RIMBP2: variants seen among roughly 807,000 people sequenced by gnomAD.
RIMBP2 encodes RIMS-binding protein 2.
In RIMBP2, 48 loss-of-function variants were observed where a neutral mutation model predicts 118.6. That is an observed-to-expected ratio of 0.40 (90% CI 0.32 to 0.51). The LOEUF (loss-of-function observed/expected upper bound fraction) is 0.51, where lower values mean the gene tolerates loss of function less well. Ranked by LOEUF, RIMBP2 falls within the 20% of genes least tolerant of loss-of-function variation. The probability of loss-of-function intolerance (pLI) is 0.41; values close to 1 mark genes in which losing one functional copy is unlikely to be tolerated. For synonymous variants in RIMBP2, 762 were observed against 742.9 expected, an observed-to-expected ratio of 1.03 and a Z score of -0.42; for missense variants, 1,551 against 1,768.3, an observed-to-expected ratio of 0.88 and a Z score of 2.20.
At chr12:130,674,399 C>G (rs1331486177) in intron 1 of RIMBP2, among the ~76,000 whole-genome samples, 1 of 152,134 alleles carries the variant, frequency 6.6e-6, no homozygotes, top group Non-Finnish European at 1.5e-5. Flanking sequence ...AATGGACTCA[C>G]ACAGAACCAG....
At chr12:130,493,147 A>C (rs1003185195) in intron 4 of RIMBP2, among the ~76,000 whole-genome samples, 4 of 151,634 alleles carry the variant, frequency 2.6e-5, no homozygotes, top group African/African-American at 4.8e-5. Flanking sequence ...AAAAACCAAA[A>C]CAAAACAAAA....
In RIMBP2 at chr12:130,621,277, C is replaced by T. The variant is rs543252044; in HGVS notation, c.-217+7045G>A. ...AAAAGCAGGGGGCACGTGCCATGGT[C>T]GTACACAGCCCTGCTGGCTTTTTGG... On this transcript the variant is annotated intron_variant, in intron 2 of 22. Transcript: ENST00000690449. This position sits in a 1 kb window ranked among gnomAD's most constrained non-coding sequence, Gnocchi z 6.6. Among the ~76,000 whole-genome samples the T allele has an allele frequency of 2.5e-4, 38 of 152,234 alleles. No homozygotes were observed. Among genetic ancestry groups the T allele is most frequent in the South Asian group, 6.2e-4 (3 of 4,814 alleles).
intron 1 of RIMBP2, among the ~76,000 whole-genome samples, chr12:130,644,818 G>A (rs527253489): frequency 1.1e-4 from 16 of 152,334 alleles, no homozygotes; most frequent in Admixed American, 5.2e-4. Context: ...GAGTCACTGG[G>A]CAAAGCACCC....
chr12:130,635,715 G>A (rs556195695), intron 1 of RIMBP2, among the ~76,000 whole-genome samples: 1 of 152,286 alleles, frequency 6.6e-6, no homozygotes, highest in African/African-American at 2.4e-5. Flanking sequence ...ACCTGCTACT[G>A]TTTCCATGCA....
Position 130,556,236 on chromosome 12 carries a change from C to T in RIMBP2, c.-216-38319G>A, listed in dbSNP as rs190839170. ...TCTGTCTGCCCGGATCTTCATTAGC[C>T]GGCTGCAGGATAAGAAGCACTGTGG... On this transcript the variant is annotated intron_variant, in intron 2 of 22. Transcript: ENST00000690449. 1.7e-3 allele frequency among the ~76,000 whole-genome samples: 258 copies of T among 152,300 alleles called. 1 individual carries two copies. The Middle Eastern group carries it at 0.02, about 12-fold the overall frequency.
At position 130,424,284 on chromosome 12, in the gene RIMBP2, G is replaced by A. The variant is rs1036187567; in HGVS notation, c.2987C>T (p.Pro996Leu). Residue 996 changes from proline to leucine, a missense_variant, in exon 16 of 23, where the codon CCG (proline) becomes CTG (leucine). This residue lies in a region of RIMBP2 where 1,038 missense variants were observed against 1,125.1 expected (regional missense o/e 0.92). Transcript: ENST00000690449. The surrounding 1 kb of genome is among the most constrained non-coding windows in gnomAD (Gnocchi z 9.8). ...GCCCCAGCCGTGCTTCCTGGGGGGCGGCCTCTCCGGGCCGGGCTGGGGGTC... is the reference window on the plus strand; with the variant it reads ...GCCCCAGCCGTGCTTCCTGGGGGGCAGCCTCTCCGGGCCGGGCTGGGGGTC... ...NDDPQPGPERPPPRKHGWGEP... is the reference protein window; with the variant it reads ...NDDPQPGPERLPPRKHGWGEP... 20 of 1,231,700 alleles carry A rather than the reference G, an allele frequency of 1.6e-5. No individual in the cohort carries two copies. In the South Asian group the frequency reaches 2.1e-4, roughly 13 times the overall value. The allele number at this position is 1,231,700 out of a possible 1,614,324, so 76.3% of individuals were successfully genotyped here.
At chr12:130,405,413 A>C (rs568138689) in intron 21 of RIMBP2, among the ~76,000 whole-genome samples, 1 of 152,294 alleles carries the variant, frequency 6.6e-6, no homozygotes, top group Admixed American at 6.5e-5. Context: ...GATTCTGATA[A>C]AGGCGGTGGG....
chr12:130,492,445 A>AAGAGAG (rs767355456), intron 4 of RIMBP2, among the ~76,000 whole-genome samples: 1 of 151,764 alleles, frequency 6.6e-6, no homozygotes, highest in African/African-American at 2.4e-5. Flanking sequence ...GGGAAAAAAA[A>AAGAGAG]AGAGAGAGAG....
chr12:130,550,924 G>A lies in RIMBP2; in HGVS notation c.-216-33007C>T, dbSNP rs2055709669. Among the ~76,000 whole-genome samples, 3 of 152,322 alleles carry A rather than the reference G, an allele frequency of 2.0e-5. No individual in the cohort carries two copies. The South Asian group carries it at 6.2e-4, about 32-fold the overall frequency. On this transcript the variant is annotated intron_variant, in intron 2 of 22. Coordinates refer to ENST00000690449, the MANE Select transcript of RIMBP2 (RefSeq NM_001393629.1). ...ACATAAGTAATCATGAAGTTACTGA[G>A]ATGAAAAGTGGGTGCCGCACATTAA...
rs1354866042 is a variant in RIMBP2, at chr12:130,437,010, A to G, written c.1938T>C (p.Arg646=). The change falls in exon 13 of 23, where the codon CGT becomes CGC. Residue 646 remains arginine, a synonymous_variant. Transcript: ENST00000690449. ...ARMDEAWEQS[R]APGPVHGHML... Reference sequence around the variant, plus strand: ...TGTGCCCATGCACAGGGCCAGGTGCACGGCTCTGCTCCCAGGCCTCATCCA... The same window carrying G: ...TGTGCCCATGCACAGGGCCAGGTGCGCGGCTCTGCTCCCAGGCCTCATCCA... The G allele has an allele frequency of 6.2e-7, 1 of 1,601,412 alleles. No individual in the cohort carries two copies. The highest frequency in any genetic ancestry group is 8.5e-7 in the Non-Finnish European group (1 of 1,173,204).
chr12:130,479,049 G>A, intron 4 of RIMBP2, 33 bp from the exon 5 acceptor site: 1 of 1,574,412 alleles, frequency 6.4e-7, no homozygotes, highest in Non-Finnish European at 8.7e-7. Flanking sequence ...GGCTGAGCAG[G>A]GCAGCCTGTG....
At chr12:130,660,988 G>A (rs1291320434) in intron 1 of RIMBP2, among the ~76,000 whole-genome samples, 1 of 152,240 alleles carries the variant, frequency 6.6e-6, no homozygotes, top group Non-Finnish European at 1.5e-5. Flanking sequence ...GGAGGCCAAG[G>A]CAGGAGGATC....
chr12:130,682,246 C>A (rs562964189), intron 1 of RIMBP2, among the ~76,000 whole-genome samples: 11 of 152,150 alleles, frequency 7.2e-5, no homozygotes, highest in Non-Finnish European at 1.6e-4. Context: ...CCTTTCCCAG[C>A]CAGAGAGCCT....
intron 22 of RIMBP2, chr12:130,399,271 A>T (rs894802519): frequency 3.6e-6 from 2 of 556,806 alleles, no homozygotes; most frequent in Non-Finnish European, 5.3e-6. Flanking sequence ...ACATGAATGT[A>T]GTCTAATAGT....
At chr12:130,698,534 T>A (rs1192003801) in intron 1 of RIMBP2, among the ~76,000 whole-genome samples, 1 of 152,120 alleles carries the variant, frequency 6.6e-6, no homozygotes, top group Non-Finnish European at 1.5e-5. Flanking sequence ...GGTGGGTGGA[T>A]CTCTTGAGGT....
At chr12:130,585,428 G>GA (rs1447658914) in intron 2 of RIMBP2, among the ~76,000 whole-genome samples, 2 of 152,056 alleles carry the variant, frequency 1.3e-5, no homozygotes, top group Non-Finnish European at 2.9e-5. Flanking sequence ...TAGCACACAT[G>GA]AAAATGGAAA....
chr12:130,449,898 C>T (rs2078853285), intron 9 of RIMBP2, among the ~76,000 whole-genome samples: 1 of 152,088 alleles, frequency 6.6e-6, no homozygotes, highest in African/African-American at 2.4e-5. Flanking sequence ...TTGGAGCCCT[C>T]GGAGGGCGAG....
At chr12:130,520,457 G>A (rs2051964046) in intron 2 of RIMBP2, among the ~76,000 whole-genome samples, 1 of 151,096 alleles carries the variant, frequency 6.6e-6, no homozygotes. Context: ...CTGAGGTCAG[G>A]AGTTCAAGAC....
intron 3 of RIMBP2, among the ~76,000 whole-genome samples, chr12:130,508,595 C>T (rs1333071442): frequency 2.0e-5 from 3 of 151,958 alleles, no homozygotes; most frequent in Admixed American, 6.6e-5. Context: ...GAAACCCTTG[C>T]CTTCACCCCC....
Sources: gnomAD v4.1 joint callset for allele counts (sites outside exome capture counted in the v4.1 genomes callset) on GRCh38, gnomAD v4.1.1 for gene constraint, gnomAD v4.1.1 regional missense constraint, Gnocchi (gnomAD v3.1) non-coding constraint, MANE v1.5 for transcripts, NCBI Gene and HGNC (gene_info 2026-07-23, HGNC 2026-07-21) for gene names.